Variants in MBOAT1 observed in about 807,000 individuals in gnomAD.
MBOAT1 encodes membrane bound glycerophospholipid O-acyltransferase 1, also known as membrane-bound glycerophospholipid O-acyltransferase 1.
MBOAT1 carries 67 observed loss-of-function variants against 64.4 expected under a neutral mutation model. That is an observed-to-expected ratio of 1.04 (90% CI 0.85 to 1.27). The LOEUF (loss-of-function observed/expected upper bound fraction) is 1.27, where lower values mean the gene tolerates loss of function less well. MBOAT1 is among the 50% of genes most tolerant of loss of function. MBOAT1 has a pLI of 0.00. For synonymous variants in MBOAT1, 229 were observed against 218.9 expected (o/e 1.05, Z -0.41); for missense variants, 563 against 604.6 (o/e 0.93, Z 0.72).
intron 1 of MBOAT1, among the ~76,000 whole-genome samples, chr6:20,192,186 C>T (rs1258921853): frequency 6.6e-6 from 1 of 152,166 alleles, no homozygotes. Flanking sequence ...TTCCTGGGTA[C>T]ACTAAACTTA....
At chr6:20,199,952 G>C (rs890985942) in intron 1 of MBOAT1, among the ~76,000 whole-genome samples, 1 of 150,166 alleles carries the variant, frequency 6.7e-6, no homozygotes, top group Non-Finnish European at 1.5e-5. Flanking sequence ...TGGGCAACAG[G>C]GTAAGACTCT....
Position 20,181,859 on chromosome 6 carries a change from A to T in MBOAT1, c.100-29090T>A, listed in dbSNP as rs114573566. ...TAGTGCCTCTGAATAATGAGAGATT[A>T]GTTTACATCTATAGTAAATTTAAGG... On this transcript the variant is annotated intron_variant, in intron 1 of 12. Transcript: ENST00000324607. 5.1e-3 allele frequency among the ~76,000 whole-genome samples: 777 copies of T among 152,352 alleles called. 10 individuals are homozygous for T. The highest frequency in any genetic ancestry group is 0.017 in the African/African-American group (717 of 41,592).
intron 1 of MBOAT1, among the ~76,000 whole-genome samples, chr6:20,184,718 C>T (rs1762601867): frequency 6.6e-6 from 1 of 152,072 alleles, no homozygotes; most frequent in African/African-American, 2.4e-5. Context: ...TTACCATTCT[C>T]CCTCTACTCC....
At chr6:20,128,968 G>A (rs75987432) in intron 5 of MBOAT1, among the ~76,000 whole-genome samples, 1 of 152,176 alleles carries the variant, frequency 6.6e-6, no homozygotes, top group East Asian at 1.9e-4. Flanking sequence ...AGGTTCACAT[G>A]GAGAGGGGAA....
chr6:20,118,068 G>A (rs1223297368), intron 9 of MBOAT1, among the ~76,000 whole-genome samples: 10 of 152,126 alleles, frequency 6.6e-5, no homozygotes, highest in Non-Finnish European at 1.5e-5. Flanking sequence ...TCAAAATACA[G>A]GAGCTTCCAG....
chr6:20,130,011 C>T (rs1760770372), intron 5 of MBOAT1, among the ~76,000 whole-genome samples: 1 of 152,114 alleles, frequency 6.6e-6, no homozygotes, highest in Non-Finnish European at 1.5e-5. Flanking sequence ...ACTAGGGATA[C>T]ACTGGGTCAA....
At chr6:20,142,918 C>T (rs1157521702) in intron 4 of MBOAT1, among the ~76,000 whole-genome samples, 1 of 152,202 alleles carries the variant, frequency 6.6e-6, no homozygotes, top group Non-Finnish European at 1.5e-5. Context: ...GACCAAACCA[C>T]AGTCACAAAG....
intron 1 of MBOAT1, among the ~76,000 whole-genome samples, chr6:20,201,657 T>G (rs968107540): frequency 7.9e-5 from 12 of 151,626 alleles, no homozygotes; most frequent in South Asian, 2.1e-4. Context: ...CTCAGCTCAG[T>G]GCAACCTCCG....
chr6:20,206,579 C>T (rs1466952028), intron 1 of MBOAT1, among the ~76,000 whole-genome samples: 1 of 152,234 alleles, frequency 6.6e-6, no homozygotes, highest in African/African-American at 2.4e-5. Context: ...GAGGCATGGG[C>T]TGAGTGCATG....
intron 1 of MBOAT1, among the ~76,000 whole-genome samples, chr6:20,208,479 A>G (rs1190926645): frequency 6.9e-6 from 1 of 144,188 alleles, no homozygotes; most frequent in Non-Finnish European, 1.5e-5. Flanking sequence ...TCATGGGCCC[A>G]GGTGAAATAA....
chr6:20,152,818 G>A, intron 1 of MBOAT1, 49 bp from the exon 2 acceptor site: 2 of 1,551,540 alleles, frequency 1.3e-6, no homozygotes, highest in East Asian at 2.4e-5. Flanking sequence ...ATTTCGTCTT[G>A]GTTTTTTTGT....
intron 11 of MBOAT1, 34 bp from the exon 12 acceptor site, chr6:20,109,783 G>C: frequency 1.3e-6 from 2 of 1,595,254 alleles, no homozygotes; most frequent in Admixed American, 1.7e-5. Flanking sequence ...TAGTGAGGAG[G>C]GGGTGAAAAA....
intron 1 of MBOAT1, among the ~76,000 whole-genome samples, chr6:20,190,245 G>C (rs550229716): frequency 6.6e-6 from 1 of 152,082 alleles, no homozygotes; most frequent in East Asian, 1.9e-4. Flanking sequence ...CACCCACCTT[G>C]GCCTCCCAAA....
At chr6:20,121,463 G>T (rs78947343) in intron 8 of MBOAT1, among the ~76,000 whole-genome samples, 7 of 152,214 alleles carry the variant, frequency 4.6e-5, no homozygotes, top group South Asian at 2.1e-4. Flanking sequence ...GGAAGCATGG[G>T]GGGGAGTAAA....
intron 4 of MBOAT1, among the ~76,000 whole-genome samples, chr6:20,136,536 C>T (rs1760997624): frequency 6.6e-6 from 1 of 152,142 alleles, no homozygotes; most frequent in South Asian, 2.1e-4. Flanking sequence ...AACCCAATTA[C>T]TTGAACATAT....
rs1286281905 is a variant in MBOAT1 at position 20,212,357 on chromosome 6, G to A, written c.-123C>T. On this transcript the variant is annotated 5_prime_UTR_variant, in exon 1 of 13. Coordinates refer to ENST00000324607, the MANE Select transcript of MBOAT1 (RefSeq NM_001080480.3). ...GCGCACGGCCGCCTGGTTCGCGGGG[G>A]AGCGAACGGGAGGCCGGGGAATGCG... 2 of 790,236 alleles carry A rather than the reference G, an allele frequency of 2.5e-6. No individual in the cohort carries two copies. The highest frequency in any genetic ancestry group is 1.8e-5 in the African/African-American group (1 of 56,736). 49.0% of individuals were successfully genotyped at this position (790,236 alleles called of 1,614,324 possible). A position where few individuals can be genotyped will look rare whatever the true frequency, so the allele number is the denominator to read the frequency against.
chr6:20,176,780 C>T (rs574480698), intron 1 of MBOAT1, among the ~76,000 whole-genome samples: 7 of 152,152 alleles, frequency 4.6e-5, no homozygotes, highest in African/African-American at 1.4e-4. Flanking sequence ...CGTGCCACCA[C>T]GCCCAGCTAG....
intron 8 of MBOAT1, among the ~76,000 whole-genome samples, chr6:20,119,998 T>C (rs1282518468): frequency 1.8e-5 from 1 of 54,324 alleles, no homozygotes. Flanking sequence ...TCTGTGTGTG[T>C]GTGTGTGCGT....
At chr6:20,164,204 C>T (rs1561771016) in intron 1 of MBOAT1, among the ~76,000 whole-genome samples, 1 of 140,832 alleles carries the variant, frequency 7.1e-6, no homozygotes, top group African/African-American at 2.6e-5. Context: ...CACACACACA[C>T]AAACACACCC....
Sources: gnomAD v4.1 joint callset for allele counts (sites outside exome capture counted in the v4.1 genomes callset) on GRCh38, gnomAD v4.1.1 for gene constraint, MANE v1.5 for transcripts, NCBI Gene and HGNC (gene_info 2026-07-23, HGNC 2026-07-21) for gene names.